CDK14: variants seen among roughly 807,000 people sequenced by gnomAD.
CDK14 encodes cyclin-dependent kinase 14.
A neutral mutation model predicts 60.7 loss-of-function variants in CDK14; 34 were observed. That is an observed-to-expected ratio of 0.56 (90% CI 0.43 to 0.75). The LOEUF (loss-of-function observed/expected upper bound fraction) is 0.75. Ranked by LOEUF, CDK14 falls within the 30% of genes least tolerant of loss-of-function variation. The pLI, the probability that CDK14 is intolerant of heterozygous loss-of-function variation, is 0.00. For synonymous variants in CDK14, 197 were observed against 203.7 expected (o/e 0.97, Z 0.28); for missense variants, 482 against 564.1 (o/e 0.85, Z 1.47).
At chr7:90,596,763 C>A in intron 1 of CDK14, 45 bp downstream of exon 1, 1 of 1,492,006 alleles carries the variant, frequency 6.7e-7, no homozygotes. Flanking sequence ...CCGCTCCCCT[C>A]GGCCTGCGCC....
At position 91,093,498 on chromosome 7, in the gene CDK14, ATCT is replaced by A. The variant is rs555011060; in HGVS notation, c.1154+14023_1154+14025del. On this transcript the variant is annotated intron_variant, in intron 12 of 14. Coordinates refer to ENST00000380050, the MANE Select transcript of CDK14 (RefSeq NM_001287135.2). ...TAACACAGCAAAACACAGTTACAAA[ATCT>A]TCTTAAAATTTGGAGACAGATTCTG... 5.1e-3 allele frequency among the ~76,000 whole-genome samples: 780 copies of A among 152,326 alleles called. 4 individuals carry two copies. Among genetic ancestry groups the A allele is most frequent in the African/African-American group, 0.018 (746 of 41,582 alleles).
chr7:90,783,519 A>T (rs1452766602), intron 4 of CDK14, among the ~76,000 whole-genome samples: 2 of 152,186 alleles, frequency 1.3e-5, no homozygotes, highest in Non-Finnish European at 2.9e-5. Flanking sequence ...TGTTCAGCAG[A>T]CAAGGGATTA....
intron 9 of CDK14, among the ~76,000 whole-genome samples, chr7:90,979,042 A>G (rs1389665342): frequency 3.9e-5 from 6 of 152,184 alleles, no homozygotes; most frequent in African/African-American, 1.4e-4. Flanking sequence ...TAGGTTTTGC[A>G]GGACATGTGG....
At chr7:91,080,310 T>C (rs1394034199) in intron 12 of CDK14, among the ~76,000 whole-genome samples, 1 of 152,238 alleles carries the variant, frequency 6.6e-6, no homozygotes, top group Admixed American at 6.5e-5. Flanking sequence ...AACTTTTTCA[T>C]ATTAAAATGC....
intron 5 of CDK14, among the ~76,000 whole-genome samples, chr7:90,812,927 A>G (rs950430965): frequency 3.9e-5 from 6 of 152,216 alleles, no homozygotes; most frequent in Non-Finnish European, 7.3e-5. Context: ...TGTCTACCCA[A>G]GAGAGATGAA....
chr7:91,118,974 A>G (rs1335052447), intron 14 of CDK14, among the ~76,000 whole-genome samples: 11 of 152,090 alleles, frequency 7.2e-5, no homozygotes, highest in African/African-American at 2.7e-4. Flanking sequence ...TGAAAAGGCC[A>G]TCTTTCTTGA....
At chr7:91,090,186 T>C (rs1212229813) in intron 12 of CDK14, among the ~76,000 whole-genome samples, 4 of 152,182 alleles carry the variant, frequency 2.6e-5, no homozygotes, top group African/African-American at 4.8e-5. Flanking sequence ...ACCCCTTCTC[T>C]GTTGCCACAT....
At chr7:90,935,684 C>T (rs1793731018) in intron 8 of CDK14, among the ~76,000 whole-genome samples, 1 of 151,902 alleles carries the variant, frequency 6.6e-6, no homozygotes, top group South Asian at 2.1e-4. Flanking sequence ...TAAGATTTTC[C>T]ATGTATTTGC....
In CDK14 at chr7:90,895,507, TCC is replaced by T. The variant is rs1491264164; in HGVS notation, c.640-3782_640-3781del. 1.6e-3 allele frequency among the ~76,000 whole-genome samples: 33 copies of T among 21,050 alleles called. 2 individuals carry two copies. Among genetic ancestry groups the T allele is most frequent in the Non-Finnish European group, 2.3e-3 (22 of 9,524 alleles). 13.8% of individuals were successfully genotyped at this position (21,050 alleles called of 152,430 possible). ...TCTCCTCTCCTCTCCTCTCCTCTCC[TCC>T]CTTCCCCTCCCTTCCCCTCCCTTCC... On this transcript the variant is annotated intron_variant, in intron 6 of 14. Coordinates refer to ENST00000380050, the MANE Select transcript of CDK14 (RefSeq NM_001287135.2).
At position 90,740,142 on chromosome 7, in the gene CDK14, A is replaced by T. The variant is rs1803280769; in HGVS notation, c.370-7539A>T. ...AACCAAGTTAAATTCCTAAAAAAAA[A>T]AACTTACACCCTCTCCTCCCTTCTT... On this transcript the variant is annotated intron_variant, in intron 3 of 14. Transcript: ENST00000380050. Among the ~76,000 whole-genome samples, 3 of 151,966 alleles carry T rather than the reference A, an allele frequency of 2.0e-5. No individual in the cohort carries two copies. The South Asian group carries it at 6.2e-4, about 32-fold the overall frequency.
intron 2 of CDK14, 42 bp from the exon 3 acceptor site, chr7:90,726,525 G>A (rs1390008975): frequency 8.2e-6 from 13 of 1,592,472 alleles, no homozygotes; most frequent in Admixed American, 1.7e-5. Context: ...TGATATTAAA[G>A]TTGCAGTGAA....
At chr7:90,923,356 A>G (rs1793311426) in intron 8 of CDK14, among the ~76,000 whole-genome samples, 2 of 152,084 alleles carry the variant, frequency 1.3e-5, no homozygotes, top group African/African-American at 4.8e-5. Flanking sequence ...TGATCTGCCC[A>G]TTTCGGCCTC....
intron 10 of CDK14, among the ~76,000 whole-genome samples, chr7:90,998,988 A>T (rs552389948): frequency 6.6e-6 from 1 of 152,310 alleles, no homozygotes; most frequent in Admixed American, 6.5e-5. Context: ...GGGCCTTCTT[A>T]TGTCGTAACA....
At chr7:91,086,268 G>T (rs1255188365) in intron 12 of CDK14, among the ~76,000 whole-genome samples, 1 of 152,156 alleles carries the variant, frequency 6.6e-6, no homozygotes, top group East Asian at 1.9e-4. Context: ...TAAATCTGCA[G>T]GGGGAATAGT....
chr7:91,194,610 G>T (rs1449791475), intron 14 of CDK14, among the ~76,000 whole-genome samples: 2 of 151,934 alleles, frequency 1.3e-5, no homozygotes, highest in Non-Finnish European at 1.5e-5. Flanking sequence ...TTAACAGAGG[G>T]CCACGAGACA....
chr7:90,717,836 A>G (rs2116674690), intron 2 of CDK14, among the ~76,000 whole-genome samples: 1 of 152,124 alleles, frequency 6.6e-6, no homozygotes, highest in Non-Finnish European at 1.5e-5. Context: ...TGGGAACACT[A>G]AAGAAATAGA....
chr7:90,676,004 C>T (rs562036768), intron 2 of CDK14, among the ~76,000 whole-genome samples: 2 of 152,222 alleles, frequency 1.3e-5, no homozygotes, highest in African/African-American at 4.8e-5. Context: ...GTCGGGAGAC[C>T]ATCCTAAGAA....
At chr7:90,984,082 T>A (rs113488004) in intron 9 of CDK14, 66 bp from the exon 10 acceptor site, 12 of 1,003,730 alleles carry the variant, frequency 1.2e-5, no homozygotes, top group African/African-American at 7.9e-5. Context: ...ATATTCTAAT[T>A]CCAGATTTAG....
chr7:90,913,526 A>G (rs1218943301), intron 7 of CDK14, among the ~76,000 whole-genome samples: 1 of 152,202 alleles, frequency 6.6e-6, no homozygotes, highest in African/African-American at 2.4e-5. Flanking sequence ...TTACCCAGTA[A>G]CCCAATGTGA....
Sources: allele counts gnomAD v4.1 joint callset (sites outside exome capture counted in the v4.1 genomes callset), GRCh38; gene constraint gnomAD v4.1.1; transcripts MANE v1.5; gene names NCBI Gene and HGNC (gene_info 2026-07-23, HGNC 2026-07-21).